The following ANK2 variants were observed in gnomAD, a reference collection of about 807,000 sequenced individuals.
ANK2 encodes ankyrin 2.
In ANK2, 83 loss-of-function variants were observed where a neutral mutation model predicts 360.5. The ratio of observed to expected loss-of-function variants is 0.23; its 90% CI spans 0.19 to 0.28. ANK2 has a LOEUF of 0.28. ANK2 is among the 10% of genes least tolerant of loss of function. The pLI, the probability that ANK2 is intolerant of heterozygous loss-of-function variation, is 1.00. For synonymous variants in ANK2, 1,740 were observed against 1,759.5 expected (o/e 0.99, Z 0.28); for missense variants, 4,201 against 4,795.7 (o/e 0.88, Z 3.66).
chr4:113,145,345 T>A (rs139001464), intron 1 of ANK2, among the ~76,000 whole-genome samples: 2 of 152,344 alleles, frequency 1.3e-5, no homozygotes, highest in East Asian at 3.9e-4. Context: ...AATTTTTATC[T>A]GTTTTGCTGA....
chr4:112,921,379 GT>G (rs61196339), intron 2 of ANK2, among the ~76,000 whole-genome samples: 30,208 of 127,810 alleles, frequency 0.24, 3,951 homozygotes, highest in East Asian at 0.43. Context: ...GTTTCTTTAA[GT>G]TTTTTTTTTT....
intron 14 of ANK2, among the ~76,000 whole-genome samples, chr4:113,266,849 C>T (rs939712646): frequency 4.6e-5 from 7 of 152,076 alleles, no homozygotes; most frequent in African/African-American, 1.7e-4. Context: ...TGCACTCCAG[C>T]CTGGGCAACA....
intron 2 of ANK2, among the ~76,000 whole-genome samples, chr4:112,979,285 AGGT>A (rs1561384564): frequency 6.6e-6 from 1 of 152,218 alleles, no homozygotes. Flanking sequence ...ATGCTGGTAC[AGGT>A]GCCAGCTCCA....
chr4:113,119,473 A>G (rs1455593832), intron 1 of ANK2, among the ~76,000 whole-genome samples: 1 of 152,084 alleles, frequency 6.6e-6, no homozygotes, highest in African/African-American at 2.4e-5. Flanking sequence ...CTTAAGGTGT[A>G]CATCATACCT....
chr4:113,366,391 C>CTTTTTTTTTTTTT (rs58588518), intron 41 of ANK2, among the ~76,000 whole-genome samples: 1 of 108,366 alleles, frequency 9.2e-6, no homozygotes, highest in Non-Finnish European at 1.7e-5. Flanking sequence ...TTCTTGCTTC[C>CTTTTTTTTTTTTT]TTTTTTTTTT....
At chr4:112,888,541 A>AT (rs1018785664) in intron 1 of ANK2, among the ~76,000 whole-genome samples, 40 of 149,056 alleles carry the variant, frequency 2.7e-4, no homozygotes, top group African/African-American at 5.1e-4. Flanking sequence ...ACAGCTCTGA[A>AT]TTTTTTTTTT....
At chr4:112,975,123 T>C (rs1165393381) in intron 2 of ANK2, among the ~76,000 whole-genome samples, 1 of 152,188 alleles carries the variant, frequency 6.6e-6, no homozygotes, top group Non-Finnish European at 1.5e-5. Context: ...CGTTTTTCCC[T>C]TTTGAGAAAA....
chr4:113,364,977 G>T (rs2096451218), intron 40 of ANK2, 62 bp from the exon 41 acceptor site: 3 of 1,604,062 alleles, frequency 1.9e-6, no homozygotes, highest in Middle Eastern at 1.7e-4. Flanking sequence ...AGGCAGTTGA[G>T]TGAAAGAGAT....
At chr4:113,229,540 A>G (rs2099266896) in intron 4 of ANK2, among the ~76,000 whole-genome samples, 1 of 152,198 alleles carries the variant, frequency 6.6e-6, no homozygotes, top group South Asian at 2.1e-4. Flanking sequence ...GGATGTGGAC[A>G]TATGTGGGGG....
At chr4:113,302,394 G>A (rs1193868566) in intron 22 of ANK2, among the ~76,000 whole-genome samples, 2 of 152,012 alleles carry the variant, frequency 1.3e-5, no homozygotes, top group East Asian at 3.9e-4. Flanking sequence ...TATGTTCATT[G>A]TTTCTTTTTA....
the ANK2 span, among the ~76,000 whole-genome samples, chr4:112,720,129 G>A: frequency 2.6e-5 from 4 of 152,154 alleles, no homozygotes; most frequent in African/African-American, 9.6e-5. Flanking sequence ...ATGTCAACCA[G>A]GGTTCTACTT....
chr4:113,205,638 A>C (rs1342745786), intron 4 of ANK2, among the ~76,000 whole-genome samples: 1 of 152,224 alleles, frequency 6.6e-6, no homozygotes, highest in Admixed American at 6.5e-5. Flanking sequence ...TATTAATTCC[A>C]GTTGTAAGAT....
intron 2 of ANK2, among the ~76,000 whole-genome samples, chr4:113,181,315 A>G (rs1024810667): frequency 6.6e-6 from 1 of 152,192 alleles, no homozygotes; most frequent in Non-Finnish European, 1.5e-5. Context: ...TTCTATGGCT[A>G]AGCGACATGG....
At chr4:112,754,194 G>T in the ANK2 span, among the ~76,000 whole-genome samples, 3 of 143,078 alleles carry the variant, frequency 2.1e-5, no homozygotes, top group Middle Eastern at 3.6e-3. Context: ...TTGTTCACAG[G>T]TTCTCTCTTC....
At chr4:112,724,606 C>A in the ANK2 span, among the ~76,000 whole-genome samples, 1 of 150,012 alleles carries the variant, frequency 6.7e-6, no homozygotes, top group Non-Finnish European at 1.5e-5. Flanking sequence ...CATCCCATAC[C>A]CATTAGAATG....
At chr4:112,827,292 A>G (rs2058618041) in intron 1 of ANK2, 4 of 1,073,360 alleles carry the variant, frequency 3.7e-6, no homozygotes, top group Non-Finnish European at 5.8e-6. Flanking sequence ...ATTGTAATAA[A>G]GAAGATCCAG....
At chr4:113,308,104 A>G (rs149489713) in intron 23 of ANK2, among the ~76,000 whole-genome samples, 61 of 152,356 alleles carry the variant, frequency 4.0e-4, no homozygotes, top group African/African-American at 1.4e-3. Context: ...TGAAAAAAAG[A>G]AAGTGTATAA....
At chr4:113,021,539 A>ACACACACAC (rs34948422) in intron 2 of ANK2, among the ~76,000 whole-genome samples, 3,128 of 108,536 alleles carry the variant, frequency 0.029, 351 homozygotes, top group East Asian at 0.047. Context: ...CCCACACACA[A>ACACACACAC]ACATATATAT....
At position 113,237,896 on chromosome 4, in the gene ANK2, A is replaced by C. The variant is rs362498; in HGVS notation, c.693+274A>C. Among the ~76,000 whole-genome samples the C allele has an allele frequency of 0.7, 106,792 of 151,994 alleles. 37,727 individuals are homozygous for C. The highest frequency in any genetic ancestry group is 0.78 in the South Asian group (3,764 of 4,824). ...CTTAACATATATTTTAATGAGTGAGATTTACTATTAACTTATTGTCAAGAA... is the reference window on the plus strand; with the variant it reads ...CTTAACATATATTTTAATGAGTGAGCTTTACTATTAACTTATTGTCAAGAA... On this transcript the variant is annotated intron_variant, in intron 7 of 45. Coordinates refer to ENST00000357077, the MANE Select transcript of ANK2 (RefSeq NM_001148.6).
Sources: gnomAD v4.1 joint callset for allele counts (sites outside exome capture counted in the v4.1 genomes callset) on GRCh38, gnomAD v4.1.1 for gene constraint, MANE v1.5 for transcripts, NCBI Gene and HGNC (gene_info 2026-07-23, HGNC 2026-07-21) for gene names.